The following ANKRD17 variants were observed in gnomAD, a reference collection of about 807,000 sequenced individuals.
ANKRD17 encodes ankyrin repeat domain 17, also known as ankyrin repeat domain-containing protein 17.
A neutral mutation model predicts 229.7 loss-of-function variants in ANKRD17; 19 were observed. The ratio of observed to expected loss-of-function variants is 0.08; its 90% confidence interval spans 0.06 to 0.12. The LOEUF (loss-of-function observed/expected upper bound fraction) is 0.12. Among genes scored for constraint, ANKRD17 ranks in the 10% least tolerant of loss-of-function variants. The pLI is 1.00. For missense variants in ANKRD17, 2,176 were observed against 3,176.8 expected, an observed-to-expected ratio of 0.68 and a Z score of 7.57; for synonymous variants, 1,112 against 1,146.1, an observed-to-expected ratio of 0.97 and a Z score of 0.60.
intron 13 of ANKRD17, 59 bp downstream of exon 13, chr4:73,142,183 G>A: frequency 6.8e-7 from 1 of 1,461,688 alleles, no homozygotes. Flanking sequence ...GAAACTGTAA[G>A]TGAAAGAATT....
chr4:73,103,680 A>G (rs1724265709), intron 24 of ANKRD17, among the ~76,000 whole-genome samples: 1 of 152,232 alleles, frequency 6.6e-6, no homozygotes, highest in Admixed American at 6.5e-5. Context: ...CAGTTAAGGC[A>G]TGGAGCCTAC....
In ANKRD17 at chr4:73,144,880, A is replaced by G. The variant is rs374076453; in HGVS notation, c.1870-48T>C. On this transcript the variant is annotated intron_variant, in intron 10 of 33. Coordinates refer to ENST00000358602, the MANE Select transcript of ANKRD17 (RefSeq NM_032217.5). ...ACTTGACATTTAATTGCCAGTGAACAAGTATTCTTTTTCATGGAAATCAAA... is the reference window on the plus strand; with the variant it reads ...ACTTGACATTTAATTGCCAGTGAACGAGTATTCTTTTTCATGGAAATCAAA... 5.5e-5 allele frequency: 73 copies of G among 1,338,194 alleles called. 1 individual carries two copies. In the African/African-American group the frequency reaches 1.0e-3, roughly 19 times the overall value. 82.9% of individuals were successfully genotyped at this position (1,338,194 alleles called of 1,614,324 possible). A position where few individuals can be genotyped will look rare whatever the true frequency, so the allele number is the denominator to read the frequency against.
intron 1 of ANKRD17, among the ~76,000 whole-genome samples, chr4:73,199,400 AC>A (rs1017456144): frequency 2.0e-5 from 3 of 152,158 alleles, no homozygotes. Flanking sequence ...GCTGAGAAAA[AC>A]ATTGTCTCAA....
chr4:73,115,126 C>A (rs1237614131), intron 23 of ANKRD17, among the ~76,000 whole-genome samples: 2 of 152,120 alleles, frequency 1.3e-5, no homozygotes, highest in African/African-American at 4.8e-5. Context: ...GTAGTATGTT[C>A]ATTTTACTAG....
At chr4:73,110,749 T>C (rs1226094294) in intron 24 of ANKRD17, among the ~76,000 whole-genome samples, 1 of 152,220 alleles carries the variant, frequency 6.6e-6, no homozygotes, top group Non-Finnish European at 1.5e-5. Flanking sequence ...AAGTGGCTTC[T>C]CTATAATTAA....
chr4:73,214,607 A>G (rs1433167381), intron 1 of ANKRD17, among the ~76,000 whole-genome samples: 2 of 152,012 alleles, frequency 1.3e-5, no homozygotes, highest in African/African-American at 4.8e-5. Flanking sequence ...TAGTTATCAT[A>G]TTCTTCTCTG....
At chr4:73,211,847 CAAA>C (rs567271450) in intron 1 of ANKRD17, among the ~76,000 whole-genome samples, 4 of 49,734 alleles carry the variant, frequency 8.0e-5, no homozygotes, top group Non-Finnish European at 8.9e-5. Flanking sequence ...AACTCTGTCT[CAAA>C]AAAAAAAAAA....
intron 15 of ANKRD17, among the ~76,000 whole-genome samples, chr4:73,135,946 T>G (rs1728841262): frequency 6.6e-6 from 1 of 152,126 alleles, no homozygotes; most frequent in Non-Finnish European, 1.5e-5. Flanking sequence ...AGGACAAAAT[T>G]AAAAGATTAG....
intron 1 of ANKRD17, among the ~76,000 whole-genome samples, chr4:73,199,931 A>C (rs1421992366): frequency 6.6e-6 from 1 of 152,196 alleles, no homozygotes; most frequent in African/African-American, 2.4e-5. Flanking sequence ...AGATTTTCTT[A>C]TATTTTTTAT....
At chr4:73,159,759 T>A (rs1732243715) in intron 3 of ANKRD17, among the ~76,000 whole-genome samples, 4 of 152,160 alleles carry the variant, frequency 2.6e-5, no homozygotes, top group African/African-American at 9.7e-5. Context: ...AGATTACCAA[T>A]GATATTGTAG....
intron 1 of ANKRD17, among the ~76,000 whole-genome samples, chr4:73,229,706 C>G (rs1279941811): frequency 3.3e-5 from 5 of 151,126 alleles, no homozygotes; most frequent in East Asian, 1.9e-4. Context: ...AATGATCTAC[C>G]CTTTAAAAAA....
At chr4:73,191,339 A>ATGTGTGTGTGTGTG (rs1203366910) in intron 1 of ANKRD17, among the ~76,000 whole-genome samples, 626 of 60,712 alleles carry the variant, frequency 0.01, 4 homozygotes, top group African/African-American at 0.014. Context: ...CAAAAAATAT[A>ATGTGTGTGTGTGTG]TATGTGTGTG....
At chr4:73,203,091 T>C (rs1738893939) in intron 1 of ANKRD17, among the ~76,000 whole-genome samples, 1 of 152,346 alleles carries the variant, frequency 6.6e-6, no homozygotes, top group Non-Finnish European at 1.5e-5. Flanking sequence ...GTAGAATTTA[T>C]AATAGCAAAT....
intron 1 of ANKRD17, among the ~76,000 whole-genome samples, chr4:73,234,892 T>C (rs1490107772): frequency 6.6e-6 from 1 of 152,128 alleles, no homozygotes; most frequent in African/African-American, 2.4e-5. Context: ...TTCTTAAGTA[T>C]TACCCAACTG....
At chr4:73,135,695 T>G (rs1728807811) in intron 15 of ANKRD17, among the ~76,000 whole-genome samples, 2 of 152,154 alleles carry the variant, frequency 1.3e-5, no homozygotes. Flanking sequence ...CTAGAACTAG[T>G]AAAATTAATA....
chr4:73,238,595 C>T lies in ANKRD17; in HGVS notation c.393+19681G>A, dbSNP rs191879216. Among the ~76,000 whole-genome samples the T allele has an allele frequency of 2.8e-3, 428 of 152,122 alleles. 1 individual carries two copies. The highest frequency in any genetic ancestry group is 4.5e-3 in the Non-Finnish European group (306 of 67,962). ...TTGGAGTAAGGAGGTCTTCCATAAC[C>T]CTCCTTACTCCATCATTTCTCTCTG... is the stretch of plus-strand genomic sequence containing the variant. On this transcript the variant is annotated intron_variant, in intron 1 of 33. Transcript: ENST00000358602.
chr4:73,078,678 C>T lies in ANKRD17; in HGVS notation c.7372G>A (p.Gly2458Ser), dbSNP rs1721253440. The T allele has an allele frequency of 3.1e-6, 5 of 1,614,164 alleles. No individual in the cohort carries two copies. Among genetic ancestry groups the T allele is most frequent in the Non-Finnish European group, 4.2e-6 (5 of 1,180,026 alleles). The change falls in exon 31 of 34, where the codon GGC (glycine) becomes AGC (serine). Residue 2458 changes from glycine to serine, a missense_variant. Physicochemically the swap from Gly to Ser is moderately conservative, Grantham distance 56. Around this residue, in one of 18 missense-constraint regions of ANKRD17, gnomAD observed 159 missense variants for 214.3 expected, o/e 0.74. Transcript: ENST00000358602. Reference protein sequence around the residue: ...SNLSTSVGHSGIWSFEGIGGN... With the variant: ...SNLSTSVGHSSIWSFEGIGGN... ...CCAATCCCTTCAAAGGACCAGATGC[C>T]ACTATGTCCTACTGATGTAGACAAA...
chr4:73,230,658 C>T (rs911854158), intron 1 of ANKRD17, among the ~76,000 whole-genome samples: 1 of 152,102 alleles, frequency 6.6e-6, no homozygotes, highest in Non-Finnish European at 1.5e-5. Context: ...TAGAAAAGTA[C>T]AGAAGAGAAT....
intron 26 of ANKRD17, among the ~76,000 whole-genome samples, 163 bp from the exon 27 acceptor site, chr4:73,097,435 T>TA (rs55834843): frequency 0.23 from 33,051 of 145,494 alleles, 4,877 homozygotes; most frequent in African/African-American, 0.43. Flanking sequence ...ATAGAGAGCC[T>TA]TTTTTTTTTT....
Sources: allele counts gnomAD v4.1 joint callset (sites outside exome capture counted in the v4.1 genomes callset), GRCh38; gene constraint gnomAD v4.1.1; regional missense constraint gnomAD v4.1.1; transcripts MANE v1.5; gene names NCBI Gene and HGNC (gene_info 2026-07-23, HGNC 2026-07-21).